HNRNPM: variants seen among roughly 807,000 people sequenced by gnomAD.
The protein encoded by HNRNPM is CEA receptor.
Under a neutral mutation model 73.1 loss-of-function variants are expected in HNRNPM, and 11 were observed. The observed-to-expected ratio is 0.15, with a 90% CI of 0.09 to 0.25. The LOEUF (loss-of-function observed/expected upper bound fraction) is 0.25. Among genes scored for constraint, HNRNPM ranks in the 10% least tolerant of loss-of-function variants. The pLI is 1.00. For synonymous variants in HNRNPM, 407 were observed against 355.2 expected (o/e 1.15, Z -1.64); for missense variants, 789 against 1,067.9 (o/e 0.74, Z 3.64).
chr19:8,450,731 T>A (rs1048899854), intron 1 of HNRNPM, among the ~76,000 whole-genome samples: 47 of 142,418 alleles, frequency 3.3e-4, no homozygotes, highest in African/African-American at 1.2e-3. Context: ...ATTATTATTT[T>A]TTTTTTTTTT....
intron 2 of HNRNPM, among the ~76,000 whole-genome samples, chr19:8,459,520 G>A (rs1204615718): frequency 3.9e-5 from 6 of 152,100 alleles, no homozygotes; most frequent in Admixed American, 2.6e-4. Context: ...AGAATTGACC[G>A]TTATGAGATG....
At chr19:8,470,749 C>T (rs1970072264) in intron 9 of HNRNPM, among the ~76,000 whole-genome samples, 1 of 152,180 alleles carries the variant, frequency 6.6e-6, no homozygotes, top group Admixed American at 6.6e-5. Flanking sequence ...TTCTGTGTCC[C>T]TGTCTGTGTT....
intron 1 of HNRNPM, among the ~76,000 whole-genome samples, chr19:8,451,569 C>T (rs564775109): frequency 1.3e-4 from 20 of 152,166 alleles, no homozygotes; most frequent in Admixed American, 1.1e-3. Flanking sequence ...CAGGGTCTCC[C>T]GCTGTTACCC....
At chr19:8,476,216 C>T (rs1454186983) in intron 12 of HNRNPM, among the ~76,000 whole-genome samples, 1 of 152,140 alleles carries the variant, frequency 6.6e-6, no homozygotes, top group East Asian at 1.9e-4. Flanking sequence ...GTGCTCCCCA[C>T]ACCCTCTACA....
Position 8,476,431 on chromosome 19 carries a change from C to T in HNRNPM, c.1120+2187C>T, listed in dbSNP as rs143237881. ...TGCTCCCATCAGACTGCTGGTCATG[C>T]AGGTTCCCAGGACCCACACTCAGCA... On this transcript the variant is annotated intron_variant, in intron 12 of 15. Coordinates refer to ENST00000325495, the MANE Select transcript of HNRNPM (RefSeq NM_005968.5). 2.6e-5 allele frequency among the ~76,000 whole-genome samples: 4 copies of T among 152,268 alleles called. No homozygotes were observed. In the East Asian group the frequency reaches 5.8e-4, roughly 22 times the overall value.
At position 8,445,064 on chromosome 19, in the gene HNRNPM, C is replaced by T; in HGVS notation, c.66C>T (p.Ser22=). Residue 22 remains serine (S), a synonymous_variant, in exon 1 of 16, where the codon AGC becomes AGT. Transcript: ENST00000325495. ...CGGAGATCAAAATGGAGGAAGAGAGCGGCGCGCCCGGCGTGCCGAGCGGCA... is the reference window on the plus strand; with the variant it reads ...CGGAGATCAAAATGGAGGAAGAGAGTGGCGCGCCCGGCGTGCCGAGCGGCA... ...AATEIKMEEE[S]GAPGVPSGNG... 4.2e-6 allele frequency: 6 copies of T among 1,421,042 alleles called. No individual in the cohort carries two copies. Among genetic ancestry groups the T allele is most frequent in the Admixed American group, 3.6e-5 (1 of 28,164 alleles). The allele number at this position is 1,421,042 out of a possible 1,614,324, so 88.0% of individuals were successfully genotyped here. A position where few individuals can be genotyped will look rare whatever the true frequency, so the allele number is the denominator to read the frequency against.
At chr19:8,449,010 A>G (rs11666117) in intron 1 of HNRNPM, among the ~76,000 whole-genome samples, 2 of 151,974 alleles carry the variant, frequency 1.3e-5, no homozygotes, top group East Asian at 3.9e-4. Context: ...CTTTCATGAT[A>G]CTACCTTGGT....
At chr19:8,455,361 G>T (rs527286322) in intron 1 of HNRNPM, 44 bp from the exon 2 acceptor site, 10 of 1,498,376 alleles carry the variant, frequency 6.7e-6, no homozygotes, top group Non-Finnish European at 8.2e-6. Flanking sequence ...ACATTGTGCT[G>T]ACATATAAAC....
At chr19:8,459,085 C>G (rs79361356) in intron 2 of HNRNPM, among the ~76,000 whole-genome samples, 1 of 152,068 alleles carries the variant, frequency 6.6e-6, no homozygotes, top group Non-Finnish European at 1.5e-5. Context: ...ACCACCACGC[C>G]GAGTTAATTT....
rs188100815 is a variant in HNRNPM, at chr19:8,466,695, G to A, written c.784+307G>A. Reference sequence around the variant, plus strand: ...GCAAAAATTAGCTGGGCGCAGTGGTGGGTGCCTGTAATCCCAGCTACTCGG... The same window carrying A: ...GCAAAAATTAGCTGGGCGCAGTGGTAGGTGCCTGTAATCCCAGCTACTCGG... On this transcript the variant is annotated intron_variant, in intron 7 of 15. Transcript: ENST00000325495. Among the ~76,000 whole-genome samples the A allele has an allele frequency of 6.8e-3, 1,037 of 151,980 alleles. 19 individuals carry two copies. The highest frequency in any genetic ancestry group is 9.6e-3 in the Non-Finnish European group (650 of 67,946).
chr19:8,461,503 G>A (rs1193270896), intron 2 of HNRNPM, among the ~76,000 whole-genome samples: 1 of 152,018 alleles, frequency 6.6e-6, no homozygotes, highest in Non-Finnish European at 1.5e-5. Flanking sequence ...CTTTACATTT[G>A]TTTTCTGTGT....
Position 8,485,966 on chromosome 19 carries a change from C to T in HNRNPM, c.1538C>T (p.Ser513Phe). The change falls in exon 14 of 16, where the codon TCT becomes TTT. Residue 513 changes from serine to phenylalanine, a missense_variant. Physicochemically the swap from Ser to Phe is radical, Grantham distance 155. Coordinates refer to ENST00000325495, the MANE Select transcript of HNRNPM (RefSeq NM_005968.5). ...GGCCAGACCATTGAGCGCATGGGCT[C>T]TGGCGTGGAGCGCATGGGCCCTGCC... ...RVGQTIERMGSGVERMGPAIE... is the reference protein window; with the variant it reads ...RVGQTIERMGFGVERMGPAIE... The T allele has an allele frequency of 6.2e-7, 1 of 1,605,606 alleles. No homozygotes were observed. The highest frequency in any genetic ancestry group is 8.5e-7 in the Non-Finnish European group (1 of 1,179,108).
chr19:8,455,751 T>TTTTTTG (rs1568264659), intron 2 of HNRNPM, among the ~76,000 whole-genome samples, 177 bp downstream of exon 2: 2 of 150,010 alleles, frequency 1.3e-5, no homozygotes, highest in Non-Finnish European at 2.9e-5. Flanking sequence ...TTGTGTTTTT[T>TTTTTTG]TTTTGTTTTG....
At position 8,468,816 on chromosome 19, in the gene HNRNPM, C is replaced by A. The variant is rs1242743579; in HGVS notation, c.877C>A (p.Arg293Ser). Residue 293 changes from arginine (R) to serine (S), a missense_variant, in exon 9 of 16, where the codon CGT (arginine) becomes AGT (serine). Transcript: ENST00000325495. Reference protein sequence around the residue: ...LPKGDFFPPERPQQLPHGLGG... With the variant: ...LPKGDFFPPESPQQLPHGLGG... Reference sequence around the variant, plus strand: ...AAAAGGAGATTTCTTCCCTCCTGAGCGTCCACAACAACTTCCCCGTAAGTG... The same window carrying A: ...AAAAGGAGATTTCTTCCCTCCTGAGAGTCCACAACAACTTCCCCGTAAGTG... 1.2e-6 allele frequency: 2 copies of A among 1,613,372 alleles called. No individual in the cohort carries two copies. The highest frequency in any genetic ancestry group is 1.7e-6 in the Non-Finnish European group (2 of 1,179,462).
At chr19:8,454,683 CCT>C (rs1555698375) in intron 1 of HNRNPM, among the ~76,000 whole-genome samples, 2,245 of 124,260 alleles carry the variant, frequency 0.018, 56 homozygotes, top group African/African-American at 0.036. Context: ...GCCCCCCCCC[CCT>C]TTTTTTTTTT....
intron 13 of HNRNPM, among the ~76,000 whole-genome samples, chr19:8,484,045 G>A (rs1599851676): frequency 6.6e-6 from 1 of 152,122 alleles, no homozygotes; most frequent in Non-Finnish European, 1.5e-5. Context: ...ACAGATGTGA[G>A]CCACCACACC....
chr19:8,488,512 G>T, intron 15 of HNRNPM, 179 bp from the exon 16 acceptor site: 1 of 518,150 alleles, frequency 1.9e-6, no homozygotes. Context: ...ATGGGGCAGG[G>T]GCAGGCTCTG....
chr19:8,467,659 A>G (rs567524606), intron 8 of HNRNPM, 75 bp downstream of exon 8: 1 of 1,029,776 alleles, frequency 9.7e-7, no homozygotes, highest in African/African-American at 1.6e-5. Flanking sequence ...GTGTACATAT[A>G]GCCACTATGA....
intron 2 of HNRNPM, among the ~76,000 whole-genome samples, chr19:8,459,753 C>T (rs1345848412): frequency 1.3e-5 from 2 of 152,096 alleles, no homozygotes; most frequent in African/African-American, 2.4e-5. Flanking sequence ...TCCCAGGGAC[C>T]GCCTGAGTTC....
Sources: allele counts gnomAD v4.1 joint callset (sites outside exome capture counted in the v4.1 genomes callset), GRCh38; gene constraint gnomAD v4.1.1; transcripts MANE v1.5; gene names NCBI Gene and HGNC (gene_info 2026-07-23, HGNC 2026-07-21).